Variants in OTUD7A observed in about 807,000 individuals in gnomAD.
The protein encoded by OTUD7A is OTU domain-containing protein 7A.
OTUD7A carries 12 observed loss-of-function variants against 65.7 expected under a neutral mutation model. The observed-to-expected ratio is 0.18, with a 90% CI of 0.12 to 0.30. The LOEUF is 0.30. Among genes scored for constraint, OTUD7A ranks in the 10% least tolerant of loss-of-function variants. The probability of loss-of-function intolerance (pLI) is 1.00; values close to 1 mark genes in which losing one functional copy is unlikely to be tolerated. For missense variants in OTUD7A, 1,148 were observed against 1,304.8 expected (o/e 0.88, Z 1.85); for synonymous variants, 641 against 586.3 (o/e 1.09, Z -1.35).
chr15:31,535,018 G>A (rs1887751043), intron 5 of OTUD7A, among the ~76,000 whole-genome samples: 1 of 152,178 alleles, frequency 6.6e-6, no homozygotes, highest in African/African-American at 2.4e-5. Flanking sequence ...GATGTCTAAG[G>A]GGCCATGGAG....
At chr15:31,634,725 T>C (rs1891286826) in intron 3 of OTUD7A, among the ~76,000 whole-genome samples, 1 of 152,236 alleles carries the variant, frequency 6.6e-6, no homozygotes, top group African/African-American at 2.4e-5. Context: ...TGGAGTCCCG[T>C]TCCCCTGTGC....
chr15:31,497,041 C>T (rs989740045), intron 10 of OTUD7A, among the ~76,000 whole-genome samples: 1 of 152,140 alleles, frequency 6.6e-6, no homozygotes, highest in African/African-American at 2.4e-5. Flanking sequence ...TCTGTTCACA[C>T]CAGCATCTCC....
At chr15:31,851,945 G>A (rs553569177) in intron 1 of OTUD7A, among the ~76,000 whole-genome samples, 11 of 152,276 alleles carry the variant, frequency 7.2e-5, no homozygotes, top group South Asian at 4.1e-4. Flanking sequence ...TGCAACCTCC[G>A]CCTCCTAGGT....
At chr15:31,563,016 G>A (rs1033818999) in intron 4 of OTUD7A, among the ~76,000 whole-genome samples, 5 of 149,734 alleles carry the variant, frequency 3.3e-5, no homozygotes, top group African/African-American at 1.3e-4. Flanking sequence ...CGATATGATT[G>A]CTCGCAAGGC....
chr15:31,749,875 A>ACAAAAT (rs1894583517), intron 1 of OTUD7A, among the ~76,000 whole-genome samples: 1 of 152,338 alleles, frequency 6.6e-6, no homozygotes, highest in Middle Eastern at 3.4e-3. Flanking sequence ...GTTTCAGGAT[A>ACAAAAT]CAAAATCAAC....
intron 1 of OTUD7A, among the ~76,000 whole-genome samples, chr15:31,723,115 T>C (rs28415823): frequency 0.7 from 104,476 of 149,978 alleles, 36,584 homozygotes; most frequent in South Asian, 0.79. Flanking sequence ...GGCAAGGAGG[T>C]GAAGGAGGCA....
At chr15:31,619,040 C>T (rs1017933770) in intron 3 of OTUD7A, among the ~76,000 whole-genome samples, 36 of 152,124 alleles carry the variant, frequency 2.4e-4, no homozygotes, top group Non-Finnish European at 4.7e-4. Context: ...GAATCCTTTC[C>T]CCATTTCTTG....
intron 1 of OTUD7A, among the ~76,000 whole-genome samples, chr15:31,714,407 G>C (rs61294525): frequency 0.2 from 30,672 of 150,824 alleles, 3,168 homozygotes; most frequent in Admixed American, 0.28. Flanking sequence ...CAGGAGAATG[G>C]AAAGACTGAA....
intron 3 of OTUD7A, among the ~76,000 whole-genome samples, chr15:31,601,755 T>C (rs534356461): frequency 7.2e-4 from 109 of 152,052 alleles, no homozygotes; most frequent in African/African-American, 2.6e-3. Flanking sequence ...ATACACACAA[T>C]GGAAAATGAT....
rs890604979 is a variant in OTUD7A, at chr15:31,612,741, C to T, written c.151+42355G>A. 4.6e-5 allele frequency among the ~76,000 whole-genome samples: 7 copies of T among 152,254 alleles called. No individual in the cohort carries two copies. The East Asian group carries it at 7.7e-4, about 17-fold the overall frequency. On this transcript the variant is annotated intron_variant, in intron 3 of 12. Coordinates refer to ENST00000307050, the MANE Select transcript of OTUD7A (RefSeq NM_001382637.1). Reference sequence around the variant, plus strand: ...TGCCAAAAGCAATCTACAAATTCAACACAATTCCCATCAAAATACCATCGT... The same window carrying T: ...TGCCAAAAGCAATCTACAAATTCAATACAATTCCCATCAAAATACCATCGT...
At chr15:31,556,423 C>T (rs576433107) in intron 5 of OTUD7A, 1 of 152,360 alleles carries the variant, frequency 6.6e-6, no homozygotes, top group African/African-American at 2.4e-5. Context: ...CATAATTTAA[C>T]ATCTTAACTC....
chr15:31,502,250 G>A (rs2041479933), intron 9 of OTUD7A, among the ~76,000 whole-genome samples: 1 of 152,240 alleles, frequency 6.6e-6, no homozygotes, highest in African/African-American at 2.4e-5. Context: ...TATTGAATTT[G>A]AAGGAACCAG....
chr15:31,631,929 T>C (rs1891173594), intron 3 of OTUD7A, among the ~76,000 whole-genome samples: 1 of 152,258 alleles, frequency 6.6e-6, no homozygotes, highest in Non-Finnish European at 1.5e-5. Flanking sequence ...AGCCTTGGCT[T>C]TCAGCTCCAT....
intron 3 of OTUD7A, among the ~76,000 whole-genome samples, chr15:31,573,639 A>G (rs1244114359): frequency 4.6e-5 from 7 of 152,220 alleles, no homozygotes. Flanking sequence ...AGTGTTTCAC[A>G]CCTGTAATCC....
intron 3 of OTUD7A, among the ~76,000 whole-genome samples, chr15:31,598,944 A>G (rs1889992759): frequency 6.6e-6 from 1 of 152,050 alleles, no homozygotes; most frequent in African/African-American, 2.4e-5. Context: ...CCGTGGCCAG[A>G]CTGCCTCTGG....
intron 1 of OTUD7A, among the ~76,000 whole-genome samples, chr15:31,854,005 G>GT (rs1006206882): frequency 1.3e-5 from 2 of 152,126 alleles, no homozygotes; most frequent in African/African-American, 4.8e-5. Context: ...TTTTCTATTA[G>GT]TTTTTTATTA....
intron 1 of OTUD7A, among the ~76,000 whole-genome samples, chr15:31,750,310 AG>A (rs1894597318): frequency 1.4e-5 from 2 of 145,114 alleles, no homozygotes; most frequent in East Asian, 2.1e-4. Context: ...CAGGAGACTG[AG>A]GCTTGAGAAT....
At chr15:31,722,594 G>A (rs1893771303) in intron 1 of OTUD7A, among the ~76,000 whole-genome samples, 1 of 152,230 alleles carries the variant, frequency 6.6e-6, no homozygotes, top group Admixed American at 6.5e-5. Flanking sequence ...AAAGAGGTCT[G>A]GGGATGCTGG....
intron 1 of OTUD7A, among the ~76,000 whole-genome samples, chr15:31,797,023 G>T (rs565190599): frequency 1.9e-4 from 29 of 152,220 alleles, no homozygotes; most frequent in South Asian, 6.2e-4. Context: ...CGTGAGCCAC[G>T]GCACCTGGCC....
Sources: gnomAD v4.1 joint callset for allele counts (sites outside exome capture counted in the v4.1 genomes callset) on GRCh38, gnomAD v4.1.1 for gene constraint, MANE v1.5 for transcripts, NCBI Gene and HGNC (gene_info 2026-07-23, HGNC 2026-07-21) for gene names.